The following GPR139 variants were observed in gnomAD, a reference collection of about 807,000 sequenced individuals.
The protein encoded by GPR139 is probable G protein-coupled receptor 139.
In GPR139, 12 loss-of-function variants were observed where a neutral mutation model predicts 25.8. That is an observed-to-expected ratio of 0.47 (90% CI 0.30 to 0.75). GPR139 has a LOEUF of 0.75. Among genes scored for constraint, GPR139 ranks in the 30% least tolerant of loss-of-function variants. The pLI, the probability that GPR139 is intolerant of heterozygous loss-of-function variation, is 0.07. For synonymous variants in GPR139, 184 were observed against 179.9 expected (o/e 1.02, Z -0.18); for missense variants, 380 against 450.2 (o/e 0.84, Z 1.41).
intron 1 of GPR139, among the ~76,000 whole-genome samples, chr16:20,041,939 G>A (rs1196739708): frequency 6.6e-6 from 1 of 152,086 alleles, no homozygotes; most frequent in Non-Finnish European, 1.5e-5. Context: ...TTCCCCAAAG[G>A]GCTATTTTTA....
chr16:20,041,539 C>T (rs1305921178), intron 1 of GPR139, among the ~76,000 whole-genome samples: 4 of 151,856 alleles, frequency 2.6e-5, no homozygotes, highest in Non-Finnish European at 5.9e-5. Flanking sequence ...GTTACCTGCC[C>T]CACTCTGGAC....
At chr16:20,037,242 A>C (rs898643152) in intron 1 of GPR139, among the ~76,000 whole-genome samples, 5 of 152,140 alleles carry the variant, frequency 3.3e-5, no homozygotes, top group Non-Finnish European at 5.9e-5. Flanking sequence ...GCTTGAGGTC[A>C]GGAGTTCCAG....
intron 1 of GPR139, among the ~76,000 whole-genome samples, chr16:20,045,049 G>C (rs1347458513): frequency 6.9e-6 from 1 of 145,342 alleles, no homozygotes; most frequent in Non-Finnish European, 1.5e-5. Flanking sequence ...GCTCAGGCTG[G>C]AGAGCAGTGG....
intron 1 of GPR139, among the ~76,000 whole-genome samples, chr16:20,046,688 A>G (rs1596467037): frequency 6.6e-6 from 1 of 152,164 alleles, no homozygotes; most frequent in Admixed American, 6.6e-5. Flanking sequence ...AGAAACATGC[A>G]GGGGGAGATT....
chr16:20,059,723 G>A (rs1319200330), intron 1 of GPR139, among the ~76,000 whole-genome samples: 1 of 152,128 alleles, frequency 6.6e-6, no homozygotes, highest in Admixed American at 6.6e-5. Flanking sequence ...CACATGACAG[G>A]GGCTCATGGA....
At chr16:20,048,420 G>T (rs1287403987) in intron 1 of GPR139, among the ~76,000 whole-genome samples, 1 of 152,190 alleles carries the variant, frequency 6.6e-6, no homozygotes, top group Non-Finnish European at 1.5e-5. Flanking sequence ...GGCTCAAGGT[G>T]CTGAGAACTT....
chr16:20,051,238 T>C (rs2033392651), intron 1 of GPR139, among the ~76,000 whole-genome samples: 1 of 152,162 alleles, frequency 6.6e-6, no homozygotes, highest in South Asian at 2.1e-4. Context: ...TTTTCATTTA[T>C]AAAATTTTAC....
At chr16:20,051,338 G>A (rs971426162) in intron 1 of GPR139, among the ~76,000 whole-genome samples, 1 of 152,132 alleles carries the variant, frequency 6.6e-6, no homozygotes, top group Non-Finnish European at 1.5e-5. Flanking sequence ...AAGGTCCCAC[G>A]GGATCTGGGT....
Position 20,031,551 on chromosome 16 carries a change from C to G in GPR139, c.*184G>C. On this transcript the variant is annotated 3_prime_UTR_variant, in exon 2 of 2. Coordinates refer to ENST00000570682, the MANE Select transcript of GPR139 (RefSeq NM_001002911.4). ...GTGGAAATAAATGCATAAGTAAAAA[C>G]AAGCTTCATGCTCTCCTTTCTTCTC... is the stretch of plus-strand genomic sequence containing the variant. The G allele has an allele frequency of 1.7e-6, 1 of 599,874 alleles. No individual in the cohort carries two copies. Among genetic ancestry groups the G allele is most frequent in the East Asian group, 2.8e-5 (1 of 36,336 alleles). The allele number at this position is 599,874 out of a possible 1,614,324, so 37.2% of individuals were successfully genotyped here.
chr16:20,034,226 G>A (rs1003056973), intron 1 of GPR139, among the ~76,000 whole-genome samples: 7 of 151,152 alleles, frequency 4.6e-5, no homozygotes, highest in African/African-American at 1.7e-4. Context: ...CTCTCTCTCA[G>A]TCTCTCTCTG....
chr16:20,058,170 T>TA (rs1312306966), intron 1 of GPR139, among the ~76,000 whole-genome samples: 1 of 152,238 alleles, frequency 6.6e-6, no homozygotes, highest in Non-Finnish European at 1.5e-5. Flanking sequence ...CACTCATCCT[T>TA]ATTTTACGGA....
At chr16:20,057,101 CA>C (rs1406745741) in intron 1 of GPR139, among the ~76,000 whole-genome samples, 2 of 152,158 alleles carry the variant, frequency 1.3e-5, no homozygotes, top group Non-Finnish European at 2.9e-5. Flanking sequence ...TCTGTAGACA[CA>C]GCATTTTTCT....
chr16:20,061,061 CTGTGTGTGTG>C (rs58567910), intron 1 of GPR139, among the ~76,000 whole-genome samples: 2 of 134,672 alleles, frequency 1.5e-5, no homozygotes, highest in Non-Finnish European at 1.6e-5. Flanking sequence ...AGTCTTTCCT[CTGTGTGTGTG>C]TGTGTGTGTG....
intron 1 of GPR139, among the ~76,000 whole-genome samples, chr16:20,038,070 C>T (rs958051172): frequency 1.3e-4 from 19 of 151,770 alleles, no homozygotes; most frequent in African/African-American, 4.4e-4. Context: ...CCATGTTGGC[C>T]AGGCTGGTCT....
chr16:20,037,583 G>A (rs1363577683), intron 1 of GPR139, among the ~76,000 whole-genome samples: 1 of 152,122 alleles, frequency 6.6e-6, no homozygotes, highest in African/African-American at 2.4e-5. Flanking sequence ...AGCTTCTTAT[G>A]TTCATAGAAC....
At chr16:20,045,875 C>T (rs989489208) in intron 1 of GPR139, among the ~76,000 whole-genome samples, 12 of 152,290 alleles carry the variant, frequency 7.9e-5, no homozygotes, top group African/African-American at 1.9e-4. Flanking sequence ...TTCCGGCTAG[C>T]GACTGCCTTG....
Position 20,031,887 on chromosome 16 carries a change from AG to A in GPR139, c.909del (p.Phe304SerfsTer18). On this transcript the variant is annotated frameshift_variant, in exon 2 of 2. Coordinates refer to ENST00000570682, the MANE Select transcript of GPR139 (RefSeq NM_001002911.4). LOFTEE classifies it high-confidence loss of function. ...RTMAAATLKA[F>X]FKCQKQPVQF... ...TGTACAGGTTGCTTCTGGCACTTGA[AG>A]AAAGCCTTGAGCGTGGCGGCTGCCA... 1 of 1,614,238 alleles carries A rather than the reference AG, an allele frequency of 6.2e-7. No homozygotes were observed.
intron 1 of GPR139, among the ~76,000 whole-genome samples, chr16:20,054,580 CT>C (rs756350523): frequency 7.4e-5 from 11 of 148,856 alleles, no homozygotes; most frequent in South Asian, 2.1e-4. Context: ...TTACAACGTT[CT>C]TTTTTTTTTA....
intron 1 of GPR139, among the ~76,000 whole-genome samples, chr16:20,049,866 C>T (rs573050428): frequency 3.1e-4 from 47 of 152,324 alleles, no homozygotes; most frequent in African/African-American, 8.9e-4. Context: ...GAGCACCTGG[C>T]ACATGGTGAT....
Sources: allele counts gnomAD v4.1 joint callset (sites outside exome capture counted in the v4.1 genomes callset), GRCh38; gene constraint gnomAD v4.1.1; transcripts MANE v1.5; gene names NCBI Gene and HGNC (gene_info 2026-07-23, HGNC 2026-07-21).